VARS2: variants seen among roughly 807,000 people sequenced by gnomAD.
VARS2 encodes valyl-tRNA synthetase 2, mitochondrial.
A neutral mutation model predicts 154.1 loss-of-function variants in VARS2; 105 were observed. The ratio of observed to expected loss-of-function variants is 0.68; its 90% CI spans 0.58 to 0.80. VARS2 has a LOEUF of 0.80. VARS2 is among the 30% of genes least tolerant of loss of function. The probability of loss-of-function intolerance (pLI) is 0.00; values close to 1 mark genes in which losing one functional copy is unlikely to be tolerated. For synonymous variants in VARS2, 483 were observed against 539.5 expected (o/e 0.90, Z 1.45); for missense variants, 1,157 against 1,361.4 (o/e 0.85, Z 2.36).
At position 30,926,282 on chromosome 6, in the gene VARS2, G is replaced by C. The variant is rs1244113396; in HGVS notation, c.*72G>C. On this transcript the variant is annotated 3_prime_UTR_variant, in exon 30 of 30. Coordinates refer to ENST00000676266, the MANE Select transcript of VARS2 (RefSeq NM_020442.6). ...GACAAACAGATTTGTCAGCTGTCAG[G>C]GTGCAGTGGGACGTCAGAGACTATG... 22 of 1,470,670 alleles carry C rather than the reference G, an allele frequency of 1.5e-5. No homozygotes were observed. The highest frequency in any genetic ancestry group is 2.0e-5 in the Non-Finnish European group (21 of 1,060,250). 91.1% of individuals were successfully genotyped at this position (1,470,670 alleles called of 1,614,324 possible). A position where few individuals can be genotyped will look rare whatever the true frequency, so the allele number is the denominator to read the frequency against.
Position 30,918,894 on chromosome 6 carries a change from T to C in VARS2, c.1053T>C (p.His351=). Residue 351 remains histidine, a synonymous_variant, in exon 11 of 30, where the codon CAT becomes CAC. Coordinates refer to ENST00000676266, the MANE Select transcript of VARS2 (RefSeq NM_020442.6). ...TLPGDVAVAV[H]PDDSRYTHLH... is the part of the protein sequence containing the mutation. ...CTGGAGATGTGGCTGTGGCCGTTCA[T>C]CCAGACGACTCGCGATACACAGTAA... The C allele has an allele frequency of 1.2e-6, 2 of 1,612,810 alleles. No individual in the cohort carries two copies. Among genetic ancestry groups the C allele is most frequent in the Non-Finnish European group, 1.7e-6 (2 of 1,180,004 alleles).
At chr6:30,918,065 T>G (rs2150554985) in intron 10 of VARS2, among the ~76,000 whole-genome samples, 1 of 80,414 alleles carries the variant, frequency 1.2e-5, no homozygotes, top group Non-Finnish European at 3.6e-5. Flanking sequence ...TGTTTTGTTT[T>G]GTTTGTTTGT....
At position 30,914,487 on chromosome 6, in the gene VARS2, C is replaced by G. The variant is rs938417844; in HGVS notation, c.-28+143C>G. ...CTGTGCAGGTGGAGATCGCCGCGGC[C>G]CTGGCGGGACTCCTTGCTGGCTCTT... On this transcript the variant is annotated intron_variant, in intron 1 of 29. Coordinates refer to ENST00000676266, the MANE Select transcript of VARS2 (RefSeq NM_020442.6). 7 of 1,332,000 alleles carry G rather than the reference C, an allele frequency of 5.3e-6. No homozygotes were observed. In the African/African-American group the frequency reaches 1.1e-4, roughly 20 times the overall value. The allele number at this position is 1,332,000 out of a possible 1,614,324, so 82.5% of individuals were successfully genotyped here.
rs116172961 is a variant in VARS2 at position 30,921,056 on chromosome 6, T to C, written c.1480-9T>C. 2.8e-3 allele frequency: 4,539 copies of C among 1,606,942 alleles called. 35 individuals are homozygous for C. The highest frequency in any genetic ancestry group is 0.027 in the African/African-American group (2,015 of 74,808). On this transcript the variant is annotated splice_polypyrimidine_tract_variant and intron_variant, in intron 15 of 29. Transcript: ENST00000676266. The surrounding 1 kb of genome is among the most constrained non-coding windows in gnomAD (Gnocchi z 4.6). ...GGGCAACATTGTCTAAAGTCCCCTTTCTCTCCAGGCTGTGGAGTCGGGGGC... is the reference window on the plus strand; with the variant it reads ...GGGCAACATTGTCTAAAGTCCCCTTCCTCTCCAGGCTGTGGAGTCGGGGGC...
intron 26 of VARS2, 52 bp downstream of exon 26, chr6:30,924,612 C>A: frequency 1.0e-6 from 1 of 972,992 alleles, no homozygotes. Context: ...GGGGGAGCAC[C>A]TTCTGAAGGG....
intron 21 of VARS2, 30 bp downstream of exon 21, chr6:30,922,584 AGGTTTGCAG>A (rs1006522742): frequency 6.4e-6 from 10 of 1,557,872 alleles, no homozygotes; most frequent in South Asian, 2.5e-5. Context: ...TAGAGGGACA[AGGTTTGCAG>A]GGTTTGCAGG....
In VARS2 at chr6:30,925,599, G is replaced by A; in HGVS notation, c.2841G>A (p.Glu947=). 1 of 1,610,592 alleles carries A rather than the reference G, an allele frequency of 6.2e-7. No homozygotes were observed. Among genetic ancestry groups the A allele is most frequent in the Non-Finnish European group, 8.5e-7 (1 of 1,179,364 alleles). Residue 947 remains glutamate, a synonymous_variant, in exon 28 of 30, where the codon GAG becomes GAA. Coordinates refer to ENST00000676266, the MANE Select transcript of VARS2 (RefSeq NM_020442.6). ...GDQGLFEAFL[E]PLGTLGYCGA... ...AGGGCCTCTTCGAGGCCTTCTTGGA[G>A]CCCCTGGGCACCCTGGGCTACTGTG...
At position 30,916,567 on chromosome 6, in the gene VARS2, CT is replaced by C; in HGVS notation, c.672-308del. On this transcript the variant is annotated intron_variant, in intron 7 of 29. Transcript: ENST00000676266. The surrounding 1 kb of genome is among the most constrained non-coding windows in gnomAD (Gnocchi z 4.0). ...CCTTCTTCCACTCGCCCATTCCCAC[CT>C]TTCAATTCCCATGGAATTACCCTCA... The C allele has an allele frequency of 2.4e-6, 1 of 415,314 alleles. No individual in the cohort carries two copies. The highest frequency in any genetic ancestry group is 4.2e-6 in the Non-Finnish European group (1 of 238,054). 25.7% of individuals were successfully genotyped at this position (415,314 alleles called of 1,614,324 possible).
intron 1 of VARS2, 165 bp from the exon 2 acceptor site, chr6:30,914,645 T>C (rs1017742790): frequency 2.8e-6 from 3 of 1,056,080 alleles, no homozygotes; most frequent in African/African-American, 1.6e-5. Context: ...TGGCGCTGTC[T>C]GTCGATACCA....
chr6:30,924,076 C>T (rs1363592954), intron 25 of VARS2: 4 of 554,822 alleles, frequency 7.2e-6, no homozygotes, highest in Non-Finnish European at 1.3e-5. Flanking sequence ...AAACCTCTGT[C>T]CCCTGTTGAT....
intron 1 of VARS2, 86 bp from the exon 2 acceptor site, chr6:30,914,724 C>A (rs2150547357): frequency 2.3e-6 from 3 of 1,310,808 alleles, no homozygotes; most frequent in Non-Finnish European, 3.1e-6. Flanking sequence ...CAGACCTGTG[C>A]TAATTAGAGA....
At chr6:30,924,291 G>A (rs940721654) in intron 25 of VARS2, 63 bp from the exon 26 acceptor site, 8 of 1,574,970 alleles carry the variant, frequency 5.1e-6, no homozygotes, top group Admixed American at 5.0e-5. Context: ...GCGGGTAGCA[G>A]TGGCTGTAGG....
intron 5 of VARS2, 25 bp downstream of exon 5, chr6:30,915,892 G>C (rs1317351896): frequency 6.2e-7 from 1 of 1,614,032 alleles, no homozygotes; most frequent in South Asian, 1.1e-5. Context: ...GGGGCTGCTT[G>C]AGTTCTTGGA....
chr6:30,920,623 T>A lies in VARS2; in HGVS notation c.1398-45T>A. The A allele has an allele frequency of 6.8e-7, 1 of 1,477,564 alleles. No homozygotes were observed. Among genetic ancestry groups the A allele is most frequent in the Middle Eastern group, 1.8e-4 (1 of 5,662 alleles). 91.5% of individuals were successfully genotyped at this position (1,477,564 alleles called of 1,614,324 possible). On this transcript the variant is annotated intron_variant, in intron 14 of 29. Transcript: ENST00000676266. This position sits in a 1 kb window ranked among gnomAD's most constrained non-coding sequence, Gnocchi z 4.6. The stretch of plus-strand genomic sequence containing the variant: ...TGGGGTCTTGTGCCCCTGGGAGAAG[T>A]CACAGGGCCGGAAGAGCAGTGGACT...
rs768226262 is a variant in VARS2 at position 30,922,242 on chromosome 6, G to A, written c.1932+1G>A. 4 of 1,610,552 alleles carry A rather than the reference G, an allele frequency of 2.5e-6. No homozygotes were observed. The highest frequency in any genetic ancestry group is 1.3e-5 in the African/African-American group (1 of 74,868). The stretch of plus-strand genomic sequence containing the variant: ...CACAGGGCAGCTGCCCTTCAGCAAG[G>A]TAAGAGCCCTTCAGTGCCCTGCCGC... On this transcript the variant is annotated splice_donor_variant, in intron 20 of 29. Transcript: ENST00000676266. LOFTEE classifies it high-confidence loss of function.
At chr6:30,924,637 G>C (rs990698150) in intron 26 of VARS2, 77 bp downstream of exon 26, 39 of 760,364 alleles carry the variant, frequency 5.1e-5, no homozygotes, top group Middle Eastern at 2.4e-4. Context: ...GCTGCAGGGG[G>C]CTCATCTGCA....
rs17189635 is a variant in VARS2, at chr6:30,923,451, C to T, written c.2412C>T (p.Leu804=). The change falls in exon 25 of 30, where the codon CTC becomes CTT. Residue 804 remains leucine, a synonymous_variant. Coordinates refer to ENST00000676266, the MANE Select transcript of VARS2 (RefSeq NM_020442.6). ...GCTTCCTCACCCGAGAGCTCTCGCT[C>T]GTCACTCATGCCCTGCACCACTTCT... ...ERGFLTRELS[L]VTHALHHFWL... 21,534 of 1,612,218 alleles carry T rather than the reference C, an allele frequency of 0.013. 233 individuals are homozygous for T. The highest frequency in any genetic ancestry group is 0.047 in the African/African-American group (3,561 of 75,040).
In VARS2 at chr6:30,916,141, T is replaced by C; in HGVS notation, c.574-11T>C. ...CCTGACTCTGTTCATTTGCCCTGAATCCAACTGCAGGCTGTGGTGGAGAAA... is the reference window on the plus strand; with the variant it reads ...CCTGACTCTGTTCATTTGCCCTGAACCCAACTGCAGGCTGTGGTGGAGAAA... On this transcript the variant is annotated splice_polypyrimidine_tract_variant and intron_variant, in intron 6 of 29. Transcript: ENST00000676266. The surrounding 1 kb of genome is among the most constrained non-coding windows in gnomAD (Gnocchi z 4.0). The C allele has an allele frequency of 1.2e-6, 2 of 1,613,824 alleles. No homozygotes were observed. Among genetic ancestry groups the C allele is most frequent in the Non-Finnish European group, 1.7e-6 (2 of 1,179,858 alleles).
intron 10 of VARS2, 132 bp from the exon 11 acceptor site, chr6:30,918,695 C>T (rs1794323235): frequency 1.1e-5 from 7 of 646,332 alleles, no homozygotes; most frequent in South Asian, 3.9e-5. Flanking sequence ...TTTTTCTAGT[C>T]ACTCCTGGGG....
Sources: allele counts gnomAD v4.1 joint callset (sites outside exome capture counted in the v4.1 genomes callset), GRCh38; gene constraint gnomAD v4.1.1; non-coding constraint Gnocchi (gnomAD v3.1); transcripts MANE v1.5; gene names NCBI Gene and HGNC (gene_info 2026-07-23, HGNC 2026-07-21).